The following CELF2 variants were observed in gnomAD, a reference collection of about 807,000 sequenced individuals.
CELF2 encodes the protein CUGBP Elav-like family member 2.
A neutral mutation model predicts 62.6 loss-of-function variants in CELF2; 8 were observed. The observed-to-expected ratio is 0.13, with a 90% CI of 0.07 to 0.23. The LOEUF is 0.23. Among genes scored for constraint, CELF2 ranks in the 10% least tolerant of loss-of-function variants. CELF2 has a pLI of 1.00. For missense variants in CELF2, 333 were observed against 671.0 expected (o/e 0.50, Z 5.56); for synonymous variants, 258 against 250.0 (o/e 1.03, Z -0.30).
chr10:10,702,356 G>T, the CELF2 span, among the ~76,000 whole-genome samples: 2 of 152,142 alleles, frequency 1.3e-5, no homozygotes, highest in African/African-American at 4.8e-5. Flanking sequence ...CACTTGACTG[G>T]CCCCTTTATG....
At chr10:10,969,500 A>G (rs564037232) in intron 2 of CELF2, among the ~76,000 whole-genome samples, 25 of 152,334 alleles carry the variant, frequency 1.6e-4, no homozygotes, top group African/African-American at 5.5e-4. Flanking sequence ...CCAATAACAA[A>G]TAAACTATAA....
chr10:11,067,978 C>T (rs1435772224), intron 1 of CELF2, among the ~76,000 whole-genome samples: 1 of 152,184 alleles, frequency 6.6e-6, no homozygotes, highest in Non-Finnish European at 1.5e-5. Context: ...AAGGATCACA[C>T]AGTAGGGGAT....
intron 1 of CELF2, among the ~76,000 whole-genome samples, chr10:10,832,624 T>A (rs955113318): frequency 7.2e-5 from 11 of 152,152 alleles, no homozygotes; most frequent in Admixed American, 4.6e-4. Context: ...AATAAAACAT[T>A]GATGATCAAA....
rs1291928183 is a variant in CELF2, at chr10:10,936,154, T to C, written c.89+16155T>C. On this transcript the variant is annotated intron_variant, in intron 2 of 13. Coordinates refer to the CELF2 transcript ENST00000636488. The surrounding 1 kb of genome is among the most constrained non-coding windows in gnomAD (Gnocchi z 4.0). The stretch of plus-strand genomic sequence containing the variant: ...TCCAGCCTAGGTGACAGAGTGAGAC[T>C]CCATCTCACAAAAAAAATAAATAAA... Among the ~76,000 whole-genome samples, 3 of 151,236 alleles carry C rather than the reference T, an allele frequency of 2.0e-5. No homozygotes were observed. The highest frequency in any genetic ancestry group is 7.3e-5 in the African/African-American group (3 of 41,140).
At chr10:10,886,458 A>G (rs148540060) in intron 1 of CELF2, among the ~76,000 whole-genome samples, 159 of 152,354 alleles carry the variant, frequency 1.0e-3, no homozygotes, top group African/African-American at 3.5e-3. Flanking sequence ...CCTGATATTT[A>G]CATTGTTGAC....
chr10:11,217,641 T>G lies in CELF2; in HGVS notation c.354+134T>G. On this transcript the variant is annotated intron_variant, in intron 3 of 12. Transcript: ENST00000633077. This position sits in a 1 kb window ranked among gnomAD's most constrained non-coding sequence, Gnocchi z 5.6. ...TGAGGAGTGTGTGCTGACCCCCCAG[T>G]TCCCTGCAGCAGCCACACCAGCTGG... The G allele has an allele frequency of 1.8e-6, 1 of 565,758 alleles. No individual in the cohort carries two copies. The highest frequency in any genetic ancestry group is 3.1e-6 in the Non-Finnish European group (1 of 321,418). 35.0% of individuals were successfully genotyped at this position (565,758 alleles called of 1,614,324 possible).
chr10:10,760,779 G>C, the CELF2 span, among the ~76,000 whole-genome samples: 1 of 152,176 alleles, frequency 6.6e-6, no homozygotes, highest in African/African-American at 2.4e-5. Context: ...ATTTGTAAAA[G>C]TGCTGTGGAA....
At chr10:11,160,435 A>G (rs984919966) in intron 1 of CELF2, among the ~76,000 whole-genome samples, 1 of 152,220 alleles carries the variant, frequency 6.6e-6, no homozygotes, top group Non-Finnish European at 1.5e-5. Context: ...ATGTTTAGAT[A>G]AATCTCAACT....
At chr10:10,700,369 G>A in the CELF2 span, among the ~76,000 whole-genome samples, 1 of 152,200 alleles carries the variant, frequency 6.6e-6, no homozygotes, top group Non-Finnish European at 1.5e-5. Context: ...AGCCTCTGAA[G>A]GAGTGAAGGA....
chr10:11,205,773 C>A (rs79180350), intron 2 of CELF2, among the ~76,000 whole-genome samples: 4,985 of 152,326 alleles, frequency 0.033, 156 homozygotes, highest in African/African-American at 0.08. Flanking sequence ...AGAAATATCT[C>A]TGTCTCTGAT....
chr10:11,282,844 G>A (rs563056268), intron 8 of CELF2, among the ~76,000 whole-genome samples: 2 of 152,354 alleles, frequency 1.3e-5, no homozygotes, highest in Admixed American at 1.3e-4. Context: ...GGAGGTGGTG[G>A]TGATTGCTGC....
At chr10:10,776,897 G>A in the CELF2 span, among the ~76,000 whole-genome samples, 35 of 152,336 alleles carry the variant, frequency 2.3e-4, no homozygotes, top group African/African-American at 8.4e-4. Flanking sequence ...GACCTACAAA[G>A]GTCAACACGT....
chr10:10,872,516 A>AGCT (rs1386159059), intron 1 of CELF2, among the ~76,000 whole-genome samples: 1 of 152,236 alleles, frequency 6.6e-6, no homozygotes, highest in Non-Finnish European at 1.5e-5. Flanking sequence ...CACAGCTGTC[A>AGCT]GCTGATCCCA....
chr10:10,968,530 C>G (rs984244006), intron 2 of CELF2, among the ~76,000 whole-genome samples: 4 of 152,052 alleles, frequency 2.6e-5, no homozygotes, highest in Non-Finnish European at 5.9e-5. Context: ...TTATTGCTGT[C>G]TGTGTGAAGT....
chr10:11,058,461 G>GTTTTTTTTTTTTTTT (rs67113152), intron 1 of CELF2, among the ~76,000 whole-genome samples: 3 of 116,814 alleles, frequency 2.6e-5, no homozygotes, highest in Non-Finnish European at 3.4e-5. Context: ...TTTTTTGTTG[G>GTTTTTTTTTTTTTTT]TTTTTTTTTT....
At chr10:10,618,595 G>A in the CELF2 span, among the ~76,000 whole-genome samples, 28 of 152,150 alleles carry the variant, frequency 1.8e-4, no homozygotes, top group East Asian at 3.3e-3. Context: ...CCTCTCATTC[G>A]TCTCTTGTTC....
chr10:11,071,191 C>T (rs977025172), intron 1 of CELF2, among the ~76,000 whole-genome samples: 1 of 152,190 alleles, frequency 6.6e-6, no homozygotes, highest in Non-Finnish European at 1.5e-5. Context: ...TTTGAATTGT[C>T]GTGCTTCCCT....
Position 11,165,165 on chromosome 10 carries a change from G to A in CELF2, c.75-321G>A, listed in dbSNP as rs113002482. On this transcript the variant is annotated intron_variant, in intron 1 of 12. Coordinates refer to ENST00000633077, the MANE Select transcript of CELF2 (RefSeq NM_001326342.2). This position sits in a 1 kb window ranked among gnomAD's most constrained non-coding sequence, Gnocchi z 7.4. ...GATGCGTTGATGGCAGCCTTGCAGA[G>A]CTAGACCTGCACTTAACTTGCAGCT... 3,587 of 1,173,586 alleles carry A rather than the reference G, an allele frequency of 3.1e-3. 5 individuals are homozygous for A. The highest frequency in any genetic ancestry group is 3.5e-3 in the Non-Finnish European group (3,313 of 943,228). 72.7% of individuals were successfully genotyped at this position (1,173,586 alleles called of 1,614,324 possible).
intron 1 of CELF2, among the ~76,000 whole-genome samples, chr10:11,137,076 A>G (rs2060553434): frequency 6.6e-6 from 1 of 152,256 alleles, no homozygotes; most frequent in Non-Finnish European, 1.5e-5. Flanking sequence ...AAGATTATAT[A>G]TGTATATACC....
Sources: gnomAD v4.1 joint callset for allele counts (sites outside exome capture counted in the v4.1 genomes callset) on GRCh38, gnomAD v4.1.1 for gene constraint, Gnocchi (gnomAD v3.1) non-coding constraint, MANE v1.5 for transcripts, NCBI Gene and HGNC (gene_info 2026-07-23, HGNC 2026-07-21) for gene names.